The following SRL variants were observed in gnomAD, a reference collection of about 807,000 sequenced individuals.
SRL encodes sarcalumenin.
SRL carries 23 observed loss-of-function variants against 39.5 expected under a neutral mutation model. The ratio of observed to expected loss-of-function variants is 0.58; its 90% CI spans 0.42 to 0.82. The LOEUF (loss-of-function observed/expected upper bound fraction) is 0.82, where lower values mean the gene tolerates loss of function less well. SRL is among the 40% of genes least tolerant of loss of function. The probability of loss-of-function intolerance (pLI) is 0.00; values close to 1 mark genes in which losing one functional copy is unlikely to be tolerated. For synonymous variants in SRL, 272 were observed against 237.4 expected (o/e 1.15, Z -1.34); for missense variants, 592 against 607.8 (o/e 0.97, Z 0.27).
chr16:4,205,820 C>T (rs56270632), intron 1 of SRL, among the ~76,000 whole-genome samples: 12,860 of 151,950 alleles, frequency 0.085, 1,618 homozygotes, highest in African/African-American at 0.28. Flanking sequence ...TGCCTGTAGT[C>T]CCAGCTACTC....
intron 1 of SRL, among the ~76,000 whole-genome samples, chr16:4,212,198 C>T (rs1028268889): frequency 1.1e-4 from 17 of 152,322 alleles, no homozygotes; most frequent in African/African-American, 3.6e-4. Flanking sequence ...TTCCCCTGAA[C>T]TTCTGCTAAA....
At chr16:4,197,980 C>G (rs569482934) in intron 3 of SRL, 65 bp from the exon 4 acceptor site, 1 of 1,070,830 alleles carries the variant, frequency 9.3e-7, no homozygotes, top group South Asian at 1.3e-5. Flanking sequence ...GGTATGGCAC[C>G]GTACTCCAAA....
At position 4,204,537 on chromosome 16, in the gene SRL, G is replaced by A. The variant is rs2052290975; in HGVS notation, c.159C>T (p.Tyr53=). Residue 53 remains tyrosine, a synonymous_variant, in exon 2 of 6, where the codon TAC becomes TAT. Transcript: ENST00000399609. ...ATATCTCCCTCCCCTGGTTACCAGA[G>A]TAGTCATCGGATGGCTTGTCCTCAT... ...MLNEDKPSDD[Y]SAVLQRLRKI... is the part of the protein sequence containing the mutation. 1.9e-6 allele frequency: 3 copies of A among 1,540,672 alleles called. No individual in the cohort carries two copies. The highest frequency in any genetic ancestry group is 1.1e-5 in the South Asian group (1 of 88,752).
In SRL at chr16:4,208,150, G is replaced by A. The variant is rs1384664794; in HGVS notation, c.62-3516C>T. 6 of 392,772 alleles carry A rather than the reference G, an allele frequency of 1.5e-5. No homozygotes were observed. The East Asian group carries it at 2.1e-4, about 14-fold the overall frequency. The allele number at this position is 392,772 out of a possible 1,614,324, so 24.3% of individuals were successfully genotyped here. A position where few individuals can be genotyped will look rare whatever the true frequency, so the allele number is the denominator to read the frequency against. On this transcript the variant is annotated intron_variant, in intron 1 of 5. Coordinates refer to ENST00000399609, the MANE Select transcript of SRL (RefSeq NM_001098814.2). Reference sequence around the variant, plus strand: ...TGGTCAGTTTCACAGGGTTGGCACCGGCTCTGTTTCTCAAGAGTCTATAAT... The same window carrying A: ...TGGTCAGTTTCACAGGGTTGGCACCAGCTCTGTTTCTCAAGAGTCTATAAT...
intron 1 of SRL, among the ~76,000 whole-genome samples, chr16:4,224,225 A>C (rs2052562258): frequency 6.6e-6 from 1 of 152,146 alleles, no homozygotes. Context: ...TCAAGCAAGT[A>C]TTTAAACATT....
chr16:4,227,183 T>C (rs1249435174), intron 1 of SRL, among the ~76,000 whole-genome samples: 1 of 150,318 alleles, frequency 6.7e-6, no homozygotes, highest in African/African-American at 2.5e-5. Context: ...GATAGATGAA[T>C]GGACAGACGG....
At chr16:4,222,525 C>T (rs1272171959) in intron 1 of SRL, among the ~76,000 whole-genome samples, 6 of 152,138 alleles carry the variant, frequency 3.9e-5, no homozygotes, top group Admixed American at 3.9e-4. Flanking sequence ...CCACCCGCCT[C>T]GGCCTCCCAA....
rs868301 is a variant in SRL at position 4,207,433 on chromosome 16, C to T, written c.62-2799G>A. ...TCCGACTCTCCCCCAACAGCCGCGA[C>T]GTCAGGGGCTCCCTCTGGCACTGCA... is the stretch of plus-strand genomic sequence containing the variant. On this transcript the variant is annotated intron_variant, in intron 1 of 5. Coordinates refer to ENST00000399609, the MANE Select transcript of SRL (RefSeq NM_001098814.2). 497 of 456,822 alleles carry T rather than the reference C, an allele frequency of 1.1e-3. 5 individuals are homozygous for T. The highest frequency in any genetic ancestry group is 9.1e-3 in the African/African-American group (457 of 50,188). 28.3% of individuals were successfully genotyped at this position (456,822 alleles called of 1,614,324 possible).
At chr16:4,226,880 G>A (rs2052596487) in intron 1 of SRL, among the ~76,000 whole-genome samples, 1 of 150,012 alleles carries the variant, frequency 6.7e-6, no homozygotes, top group Non-Finnish European at 1.5e-5. Flanking sequence ...TGGATAGGAA[G>A]AAGATGAATG....
chr16:4,217,584 G>C (rs1346310117), intron 1 of SRL, among the ~76,000 whole-genome samples: 1 of 151,818 alleles, frequency 6.6e-6, no homozygotes, highest in African/African-American at 2.4e-5. Context: ...CCCACCCCCC[G>C]CTGTCTTACT....
chr16:4,233,294 G>T (rs987464748), intron 1 of SRL, among the ~76,000 whole-genome samples: 5 of 152,200 alleles, frequency 3.3e-5, no homozygotes, highest in African/African-American at 1.2e-4. Context: ...CCTGGCTTTT[G>T]TCACCATCTT....
intron 1 of SRL, among the ~76,000 whole-genome samples, chr16:4,206,104 T>C (rs2052315136): frequency 6.6e-6 from 1 of 152,106 alleles, no homozygotes; most frequent in Non-Finnish European, 1.5e-5. Context: ...TGACCGACCC[T>C]CGTATTGGCT....
intron 1 of SRL, among the ~76,000 whole-genome samples, chr16:4,223,445 A>C (rs140795136): frequency 3.3e-5 from 5 of 151,818 alleles, no homozygotes; most frequent in Non-Finnish European, 7.4e-5. Context: ...TGGTGCAATC[A>C]TGGCTCACTG....
intron 1 of SRL, among the ~76,000 whole-genome samples, chr16:4,223,857 C>A (rs970414176): frequency 2.6e-5 from 4 of 152,148 alleles, no homozygotes; most frequent in African/African-American, 7.2e-5. Flanking sequence ...ACCAGTCCTG[C>A]CCCTGGGACC....
rs1424804684 is a variant in SRL at position 4,189,813 on chromosome 16, A to C, written c.*2340T>G. 1 of 154,222 alleles carries C rather than the reference A, an allele frequency of 6.5e-6. No individual in the cohort carries two copies. Among genetic ancestry groups the C allele is most frequent in the Admixed American group, 6.5e-5 (1 of 15,346 alleles). 9.6% of individuals were successfully genotyped at this position (154,222 alleles called of 1,614,324 possible). ...CACCAACAGCTATGACAATGCCCAC[A>C]CAGTTGTGCATCTTTTTTTGTTTTT... On this transcript the variant is annotated 3_prime_UTR_variant, in exon 6 of 6. Coordinates refer to ENST00000399609, the MANE Select transcript of SRL (RefSeq NM_001098814.2).
At chr16:4,230,541 T>G (rs2052648564) in intron 1 of SRL, among the ~76,000 whole-genome samples, 1 of 151,088 alleles carries the variant, frequency 6.6e-6, no homozygotes, top group Non-Finnish European at 1.5e-5. Context: ...CCACTATGAC[T>G]GGCTAATTTT....
chr16:4,207,801 T>C (rs755574155), intron 1 of SRL: 36 of 455,810 alleles, frequency 7.9e-5, no homozygotes, highest in Non-Finnish European at 1.3e-4. Flanking sequence ...GCCATTCTTT[T>C]CCTCCCCAGG....
intron 1 of SRL, among the ~76,000 whole-genome samples, chr16:4,213,567 C>T (rs1219020220): frequency 6.6e-6 from 1 of 151,586 alleles, no homozygotes; most frequent in South Asian, 2.1e-4. Context: ...TGTGCCACCA[C>T]ATCCAGCTGA....
intron 1 of SRL, among the ~76,000 whole-genome samples, chr16:4,227,051 A>ATGG (rs2052598980): frequency 2.4e-4 from 13 of 53,212 alleles, no homozygotes; most frequent in African/African-American, 6.0e-4. Context: ...TGGATGGATG[A>ATGG]ATGGATGGAT....
Sources: gnomAD v4.1 joint callset for allele counts (sites outside exome capture counted in the v4.1 genomes callset) on GRCh38, gnomAD v4.1.1 for gene constraint, MANE v1.5 for transcripts, NCBI Gene and HGNC (gene_info 2026-07-23, HGNC 2026-07-21) for gene names.